BACE1: variants seen among roughly 807,000 people sequenced by gnomAD.
BACE1 encodes the protein APP beta-secretase.
In BACE1, 21 loss-of-function variants were observed where a neutral mutation model predicts 54.0. The observed-to-expected ratio is 0.39, with a 90% CI of 0.28 to 0.56. BACE1 has a LOEUF of 0.56. BACE1 is among the 20% of genes least tolerant of loss of function. BACE1 has a pLI of 0.63. For missense variants in BACE1, 511 were observed against 661.2 expected, an observed-to-expected ratio of 0.77 and a Z score of 2.49; for synonymous variants, 232 against 260.9, an observed-to-expected ratio of 0.89 and a Z score of 1.07.
chr11:117,297,030 C>T, intron 1 of BACE1, 69 bp from the exon 2 acceptor site: 2 of 1,160,290 alleles, frequency 1.7e-6, no homozygotes, highest in Non-Finnish European at 2.6e-6. Context: ...TTTATTATCC[C>T]TCACGCCCCA....
intron 1 of BACE1, chr11:117,299,565 C>T (rs2034677008): frequency 9.2e-6 from 3 of 326,864 alleles, no homozygotes; most frequent in Non-Finnish European, 1.8e-5. Flanking sequence ...ATCTCCCGGC[C>T]CTCAGACCTT....
chr11:117,299,258 G>A (rs1003949205), intron 1 of BACE1, among the ~76,000 whole-genome samples: 1 of 152,074 alleles, frequency 6.6e-6, no homozygotes, highest in Admixed American at 6.6e-5. Context: ...GTTGCATCTC[G>A]CCTCTTGCCG....
At chr11:117,302,971 T>C (rs1445258704) in intron 1 of BACE1, among the ~76,000 whole-genome samples, 1 of 152,228 alleles carries the variant, frequency 6.6e-6, no homozygotes, top group African/African-American at 2.4e-5. Flanking sequence ...TTAAAACTAT[T>C]AAAATGTCTT....
chr11:117,294,514 C>T (rs1260598463), intron 3 of BACE1: 1 of 154,940 alleles, frequency 6.5e-6, no homozygotes, highest in African/African-American at 2.4e-5. Flanking sequence ...GTGTGAGCCA[C>T]CACGCCTGGC....
intron 2 of BACE1, 139 bp from the exon 3 acceptor site, chr11:117,295,486 C>G (rs1190314914): frequency 2.0e-5 from 30 of 1,536,892 alleles, no homozygotes; most frequent in Non-Finnish European, 2.4e-5. Flanking sequence ...AGCAAAACAT[C>G]CCTAGACTCA....
At position 117,304,206 on chromosome 11, in the gene BACE1, G is replaced by A. The variant is rs149686906; in HGVS notation, c.262-7245C>T. Among the ~76,000 whole-genome samples the A allele has an allele frequency of 7.2e-3, 1,098 of 152,282 alleles. 9 individuals carry two copies. Among genetic ancestry groups the A allele is most frequent in the Non-Finnish European group, 0.011 (747 of 68,024 alleles). ...GCATTGGGAATTGCCCTCTTGGAAC[G>A]CTGTCCTCAGATTCTGTGTGAAGTA... On this transcript the variant is annotated intron_variant, in intron 1 of 8. Coordinates refer to ENST00000313005, the MANE Select transcript of BACE1 (RefSeq NM_012104.6).
At chr11:117,303,053 A>G (rs972442584) in intron 1 of BACE1, among the ~76,000 whole-genome samples, 2 of 152,242 alleles carry the variant, frequency 1.3e-5, no homozygotes, top group Non-Finnish European at 2.9e-5. Context: ...GAAGGAAAGA[A>G]AAGGTGAAAG....
At chr11:117,290,443 A>T in intron 8 of BACE1, 45 bp downstream of exon 8, 1 of 1,597,668 alleles carries the variant, frequency 6.3e-7, no homozygotes, top group Non-Finnish European at 8.5e-7. Context: ...TGACAAGGAA[A>T]ATATGGAGAG....
At position 117,289,654 on chromosome 11, in the gene BACE1, A is replaced by C; in HGVS notation, c.1418T>G (p.Leu473Arg). The change falls in exon 9 of 9, where the codon CTC becomes CGC. Residue 473 changes from leucine (L) to arginine (R), a missense_variant. Physicochemically the swap from Leu to Arg is moderately radical, Grantham distance 102. This residue lies in a region of BACE1 where 407 missense variants were observed against 565.7 expected (regional missense o/e 0.72). Coordinates refer to ENST00000313005, the MANE Select transcript of BACE1 (RefSeq NM_012104.6). ...GCGCCACTGACACACCATGAGGCAG[A>C]GTGGCAGCATGAAGAGGGCGCAGAT... ...AAICALFMLP[L>R]CLMVCQWRCL... 1 of 1,614,210 alleles carries C rather than the reference A, an allele frequency of 6.2e-7. No individual in the cohort carries two copies. The highest frequency in any genetic ancestry group is 1.1e-5 in the South Asian group (1 of 91,084).
chr11:117,291,586 T>C, intron 6 of BACE1, 126 bp downstream of exon 6: 1 of 657,506 alleles, frequency 1.5e-6, no homozygotes, highest in East Asian at 3.1e-5. Flanking sequence ...AGGGGAAGAG[T>C]GTTTTAAGAG....
rs1002881195 is a variant in BACE1, at chr11:117,287,578, T to C, written c.*1988A>G. On this transcript the variant is annotated 3_prime_UTR_variant, in exon 9 of 9. Coordinates refer to ENST00000313005, the MANE Select transcript of BACE1 (RefSeq NM_012104.6). ...ATCGAAGGGGTTGAGTTTTATGCCCTGGAAAGGGCTGGGAAAAAGCCAGTT... is the reference window on the plus strand; with the variant it reads ...ATCGAAGGGGTTGAGTTTTATGCCCCGGAAAGGGCTGGGAAAAAGCCAGTT... 1 of 152,464 alleles carries C rather than the reference T, an allele frequency of 6.6e-6. No homozygotes were observed. The highest frequency in any genetic ancestry group is 6.5e-5 in the Admixed American group (1 of 15,280). 9.4% of individuals were successfully genotyped at this position (152,464 alleles called of 1,614,324 possible).
chr11:117,305,764 A>C (rs546808336), intron 1 of BACE1, among the ~76,000 whole-genome samples: 1 of 152,008 alleles, frequency 6.6e-6, no homozygotes, highest in Non-Finnish European at 1.5e-5. Context: ...AGCCGCGCGC[A>C]GTGGCTCACG....
intron 2 of BACE1, among the ~76,000 whole-genome samples, chr11:117,296,655 C>A (rs1402323792): frequency 1.3e-5 from 2 of 152,156 alleles, no homozygotes; most frequent in Non-Finnish European, 2.9e-5. Context: ...TGAAGCACTT[C>A]CTGGCTACCT....
At chr11:117,295,061 C>T (rs945819857) in intron 3 of BACE1, 70 bp downstream of exon 3, 3 of 1,431,538 alleles carry the variant, frequency 2.1e-6, no homozygotes, top group Non-Finnish European at 2.9e-6. Context: ...TTCCCCTTCT[C>T]TCTCCTAATT....
chr11:117,297,579 C>T lies in BACE1; in HGVS notation c.262-618G>A, dbSNP rs1164532552. 2.0e-5 allele frequency among the ~76,000 whole-genome samples: 3 copies of T among 152,096 alleles called. No homozygotes were observed. The East Asian group carries it at 5.8e-4, about 29-fold the overall frequency. On this transcript the variant is annotated intron_variant, in intron 1 of 8. Coordinates refer to ENST00000313005, the MANE Select transcript of BACE1 (RefSeq NM_012104.6). ...AGGTTGCAGTGAACTGAGACCATGC[C>T]ACTGCACTCCAGCCTGGGCGACAGA... is the stretch of plus-strand genomic sequence containing the variant.
intron 5 of BACE1, 40 bp from the exon 6 acceptor site, chr11:117,291,853 T>G (rs1478466274): frequency 6.6e-7 from 1 of 1,508,422 alleles, no homozygotes; most frequent in Admixed American, 1.7e-5. Flanking sequence ...TCAAAAGGTT[T>G]TTGATGCTGG....
At chr11:117,308,339 T>G (rs1386390647) in intron 1 of BACE1, among the ~76,000 whole-genome samples, 1 of 152,208 alleles carries the variant, frequency 6.6e-6, no homozygotes, top group East Asian at 1.9e-4. Flanking sequence ...AGTCTATTTT[T>G]TAACTTGGCC....
rs1380162281 is a variant in BACE1 at position 117,289,590 on chromosome 11, A to G, written c.1482T>C (p.Ala494=). ...CTCACTTCAGCAGGGAGATGTCATCAGCAAAGTCATCATGCTGCTGGCGCA... is the reference window on the plus strand; with the variant it reads ...CTCACTTCAGCAGGGAGATGTCATCGGCAAAGTCATCATGCTGCTGGCGCA... ...RCLRQQHDDF[A]DDISLLK is the part of the protein sequence containing the mutation. Residue 494 remains alanine, a synonymous_variant, in exon 9 of 9, where the codon GCT becomes GCC. Coordinates refer to ENST00000313005, the MANE Select transcript of BACE1 (RefSeq NM_012104.6). 3.7e-6 allele frequency: 6 copies of G among 1,614,216 alleles called. No homozygotes were observed. Among genetic ancestry groups the G allele is most frequent in the Non-Finnish European group, 5.1e-6 (6 of 1,180,034 alleles).
chr11:117,316,120 C>T lies in BACE1; in HGVS notation c.-325G>A, dbSNP rs1252026990. 5.0e-6 allele frequency: 2 copies of T among 396,474 alleles called. No individual in the cohort carries two copies. Among genetic ancestry groups the T allele is most frequent in the Non-Finnish European group, 8.9e-6 (2 of 225,138 alleles). The allele number at this position is 396,474 out of a possible 1,614,324, so 24.6% of individuals were successfully genotyped here. A position where few individuals can be genotyped will look rare whatever the true frequency, so the allele number is the denominator to read the frequency against. On this transcript the variant is annotated 5_prime_UTR_variant, in exon 1 of 9. Coordinates refer to ENST00000313005, the MANE Select transcript of BACE1 (RefSeq NM_012104.6). ...GCATGGCGGGCCGGTGGCGGCTTCCCTGGTCCCCCCGGCGGGCGGCGGCGC... is the reference window on the plus strand; with the variant it reads ...GCATGGCGGGCCGGTGGCGGCTTCCTTGGTCCCCCCGGCGGGCGGCGGCGC...
Sources: gnomAD v4.1 joint callset for allele counts (sites outside exome capture counted in the v4.1 genomes callset) on GRCh38, gnomAD v4.1.1 for gene constraint, gnomAD v4.1.1 regional missense constraint, MANE v1.5 for transcripts, NCBI Gene and HGNC (gene_info 2026-07-23, HGNC 2026-07-21) for gene names.